NRG3: variants seen among roughly 807,000 people sequenced by gnomAD.
NRG3 encodes pro-neuregulin-3, membrane-bound isoform.
NRG3 carries 31 observed loss-of-function variants against 66.9 expected under a neutral mutation model. That is an observed-to-expected ratio of 0.46 (90% CI 0.35 to 0.63). The LOEUF (loss-of-function observed/expected upper bound fraction) is 0.63. Ranked by LOEUF, NRG3 falls within the 20% of genes least tolerant of loss-of-function variation. NRG3 has a pLI of 0.00. For missense variants in NRG3, 910 were observed against 878.9 expected, an observed-to-expected ratio of 1.04 and a Z score of -0.45; for synonymous variants, 393 against 359.4, an observed-to-expected ratio of 1.09 and a Z score of -1.06.
At chr10:82,071,255 T>A (rs1249029064) in intron 1 of NRG3, among the ~76,000 whole-genome samples, 2 of 152,154 alleles carry the variant, frequency 1.3e-5, no homozygotes, top group Non-Finnish European at 2.9e-5. Context: ...AACCAAATGA[T>A]TCAATGACAA....
chr10:82,035,324 TGTAAG>T (rs1564755737), intron 1 of NRG3, among the ~76,000 whole-genome samples: 1 of 152,126 alleles, frequency 6.6e-6, no homozygotes, highest in Non-Finnish European at 1.5e-5. Flanking sequence ...GGTCTGAAGC[TGTAAG>T]GTAGAGATAC....
intron 2 of NRG3, among the ~76,000 whole-genome samples, chr10:82,633,032 G>T (rs1251631800): frequency 1.5e-4 from 23 of 152,142 alleles, no homozygotes; most frequent in Admixed American, 1.2e-3. Context: ...GCCATTGACA[G>T]GTTTGTTAAC....
chr10:82,355,248 T>C (rs547497499), intron 1 of NRG3, among the ~76,000 whole-genome samples: 6 of 152,234 alleles, frequency 3.9e-5, no homozygotes, highest in Admixed American at 6.5e-5. Context: ...ATCTTATCCA[T>C]GTTCTCATTC....
At chr10:82,483,388 C>T (rs1337322397) in intron 2 of NRG3, among the ~76,000 whole-genome samples, 3 of 152,200 alleles carry the variant, frequency 2.0e-5, no homozygotes, top group Non-Finnish European at 4.4e-5. Flanking sequence ...AAAGCAGCTT[C>T]CTTGCTTGGT....
intron 2 of NRG3, among the ~76,000 whole-genome samples, chr10:82,474,521 C>G (rs2132083600): frequency 6.6e-6 from 1 of 152,104 alleles, no homozygotes; most frequent in African/African-American, 2.4e-5. Context: ...AACAGAAGAA[C>G]TAATCATAGA....
chr10:82,342,620 T>TC (rs1293269610), intron 1 of NRG3, among the ~76,000 whole-genome samples: 6 of 152,096 alleles, frequency 3.9e-5, no homozygotes, highest in African/African-American at 1.4e-4. Flanking sequence ...TAGAGTTATT[T>TC]ATTTTTCTTG....
At chr10:81,956,765 T>G (rs557987115) in intron 1 of NRG3, among the ~76,000 whole-genome samples, 47 of 152,256 alleles carry the variant, frequency 3.1e-4, no homozygotes, top group Non-Finnish European at 4.9e-4. Context: ...AGTCCCTATT[T>G]TACTTAAAAC....
chr10:82,011,827 G>A (rs184306926), intron 1 of NRG3, among the ~76,000 whole-genome samples: 7 of 152,260 alleles, frequency 4.6e-5, no homozygotes, highest in East Asian at 3.9e-4. Context: ...GGTCTTGGGC[G>A]TCTCCACCCC....
intron 2 of NRG3, among the ~76,000 whole-genome samples, chr10:82,554,645 G>A (rs765086614): frequency 5.3e-5 from 8 of 152,070 alleles, no homozygotes; most frequent in Non-Finnish European, 1.0e-4. Flanking sequence ...AATAATGTGA[G>A]GACCCCTAAG....
chr10:82,463,570 G>A (rs188072480), intron 2 of NRG3, among the ~76,000 whole-genome samples: 149 of 152,310 alleles, frequency 9.8e-4, no homozygotes, highest in African/African-American at 3.4e-3. Context: ...ATTTAGTACT[G>A]TTGTGAGGAT....
intron 4 of NRG3, among the ~76,000 whole-genome samples, chr10:82,904,904 G>A (rs149822178): frequency 6.6e-6 from 1 of 152,200 alleles, no homozygotes; most frequent in East Asian, 1.9e-4. Flanking sequence ...AATTCTAACA[G>A]AAACAAAATG....
intron 1 of NRG3, among the ~76,000 whole-genome samples, chr10:82,108,079 G>A (rs1001460945): frequency 6.6e-6 from 1 of 152,158 alleles, no homozygotes; most frequent in African/African-American, 2.4e-5. Context: ...GTTCAACATG[G>A]CCTTGCCACT....
At chr10:81,970,969 G>A (rs1394466979) in intron 1 of NRG3, among the ~76,000 whole-genome samples, 2 of 152,110 alleles carry the variant, frequency 1.3e-5, no homozygotes, top group Admixed American at 1.3e-4. Context: ...GTGAAACCCT[G>A]TCTCTACTAA....
At chr10:82,221,124 C>A (rs1157560313) in intron 1 of NRG3, among the ~76,000 whole-genome samples, 3 of 152,074 alleles carry the variant, frequency 2.0e-5, no homozygotes, top group African/African-American at 7.2e-5. Flanking sequence ...GTGCTTCCTG[C>A]AACACCTTTA....
At chr10:82,468,124 A>T (rs1326624257) in intron 2 of NRG3, among the ~76,000 whole-genome samples, 1 of 152,170 alleles carries the variant, frequency 6.6e-6, no homozygotes. Context: ...TGAGTTAAAT[A>T]ATGTTTAAGT....
intron 2 of NRG3, among the ~76,000 whole-genome samples, chr10:82,519,729 A>G (rs781670773): frequency 6.6e-6 from 1 of 152,288 alleles, no homozygotes; most frequent in South Asian, 2.1e-4. Flanking sequence ...TATTATTTTA[A>G]CATGGCAAAA....
chr10:82,388,328 C>T (rs930785761), intron 2 of NRG3, among the ~76,000 whole-genome samples: 4 of 151,964 alleles, frequency 2.6e-5, no homozygotes, highest in Admixed American at 6.6e-5. Context: ...TAACTATTTA[C>T]GTAAAAAGAG....
intron 3 of NRG3, among the ~76,000 whole-genome samples, chr10:82,795,282 C>T (rs1258399364): frequency 6.6e-6 from 1 of 152,134 alleles, no homozygotes; most frequent in Non-Finnish European, 1.5e-5. Context: ...ACTTGTGATA[C>T]TGTTACCACA....
At chr10:82,289,776 C>T (rs1436019478) in intron 1 of NRG3, among the ~76,000 whole-genome samples, 2 of 152,000 alleles carry the variant, frequency 1.3e-5, no homozygotes, top group African/African-American at 4.8e-5. Context: ...AATAATGATT[C>T]CCCAGTTAAT....
Sources: allele counts gnomAD v4.1 joint callset (sites outside exome capture counted in the v4.1 genomes callset), GRCh38; gene constraint gnomAD v4.1.1; transcripts MANE v1.5; gene names NCBI Gene and HGNC (gene_info 2026-07-23, HGNC 2026-07-21).